MEI4: variants seen among roughly 807,000 people sequenced by gnomAD.
The protein encoded by MEI4 is meiosis-specific protein MEI4.
In MEI4, 27 loss-of-function variants were observed where a neutral mutation model predicts 31.4. That is an observed-to-expected ratio of 0.86 (90% confidence interval 0.63 to 1.19). MEI4 has a LOEUF of 1.19. Among genes scored for constraint, MEI4 ranks in the 50% most tolerant of loss-of-function variants. The pLI is 0.00. For missense variants in MEI4, 329 were observed against 398.9 expected (o/e 0.82, Z 1.49); for synonymous variants, 122 against 145.4 (o/e 0.84, Z 1.16).
intron 2 of MEI4, among the ~76,000 whole-genome samples, chr6:77,705,444 A>C (rs1418603051): frequency 2.0e-5 from 3 of 152,254 alleles, no homozygotes; most frequent in African/African-American, 7.2e-5. Context: ...AATATCACAC[A>C]TGTGGAACTA....
At chr6:77,832,782 A>G (rs1412384267) in intron 4 of MEI4, among the ~76,000 whole-genome samples, 1 of 152,126 alleles carries the variant, frequency 6.6e-6, no homozygotes, top group Non-Finnish European at 1.5e-5. Flanking sequence ...TTGACTAACC[A>G]TGTCAGTTAT....
At chr6:77,868,523 A>ATATATATATATATATATG (rs1771113885) in intron 4 of MEI4, among the ~76,000 whole-genome samples, 1 of 139,992 alleles carries the variant, frequency 7.1e-6, no homozygotes, top group Non-Finnish European at 1.6e-5. Context: ...ATATATATAT[A>ATATATATATATATATATG]TATATGCAGA....
At chr6:77,881,086 CTTT>C (rs5877573) in intron 4 of MEI4, among the ~76,000 whole-genome samples, 6 of 146,374 alleles carry the variant, frequency 4.1e-5, no homozygotes, top group Admixed American at 6.8e-5. Flanking sequence ...TACTTACTGT[CTTT>C]TTTTTTTTTT....
intron 2 of MEI4, among the ~76,000 whole-genome samples, chr6:77,740,133 A>G (rs1767360813): frequency 6.6e-6 from 1 of 152,112 alleles, no homozygotes; most frequent in Non-Finnish European, 1.5e-5. Flanking sequence ...TTATTCTTGA[A>G]TTCTATTTTA....
At chr6:77,720,304 G>A (rs1766683050) in intron 2 of MEI4, among the ~76,000 whole-genome samples, 1 of 28,034 alleles carries the variant, frequency 3.6e-5, no homozygotes, top group Admixed American at 3.9e-4. Context: ...ACTATGGCCT[G>A]TCCTTGGGAA....
At chr6:77,900,068 A>G (rs1407417137) in intron 4 of MEI4, among the ~76,000 whole-genome samples, 5 of 150,976 alleles carry the variant, frequency 3.3e-5, no homozygotes, top group African/African-American at 1.2e-4. Flanking sequence ...ACAGCAAAGG[A>G]AAAAAAAATG....
intron 2 of MEI4, among the ~76,000 whole-genome samples, chr6:77,699,034 A>T (rs1766134677): frequency 6.6e-6 from 1 of 151,754 alleles, no homozygotes; most frequent in African/African-American, 2.4e-5. Context: ...TCCATCACTG[A>T]TACCCTTTCT....
At chr6:77,664,107 G>A (rs1442152381) in intron 1 of MEI4, among the ~76,000 whole-genome samples, 1 of 152,162 alleles carries the variant, frequency 6.6e-6, no homozygotes, top group South Asian at 2.1e-4. Context: ...AGATGTGGCT[G>A]GGGTTTGTCT....
At chr6:77,824,177 C>T (rs553845963) in intron 3 of MEI4, among the ~76,000 whole-genome samples, 2 of 152,238 alleles carry the variant, frequency 1.3e-5, no homozygotes, top group East Asian at 1.9e-4. Flanking sequence ...GCAACCTCCA[C>T]CTCCTGGGTT....
chr6:77,801,392 G>A (rs1561994591), intron 3 of MEI4, among the ~76,000 whole-genome samples: 1 of 151,872 alleles, frequency 6.6e-6, no homozygotes, highest in African/African-American at 2.4e-5. Context: ...TTCTTTTTTA[G>A]TCTTGCTAGC....
chr6:77,854,833 C>T (rs1187663360), intron 4 of MEI4, among the ~76,000 whole-genome samples: 5 of 152,096 alleles, frequency 3.3e-5, no homozygotes, highest in Non-Finnish European at 7.4e-5. Context: ...GTATAGGTAT[C>T]ATTTCCTCTG....
chr6:77,726,369 AT>A, intron 2 of MEI4, among the ~76,000 whole-genome samples: 1 of 152,276 alleles, frequency 6.6e-6, no homozygotes, highest in African/African-American at 2.4e-5. Context: ...TCCCCACAGC[AT>A]ATATATGTGG....
chr6:77,912,806 C>T (rs1766461262), intron 4 of MEI4, among the ~76,000 whole-genome samples: 1 of 152,088 alleles, frequency 6.6e-6, no homozygotes, highest in African/African-American at 2.4e-5. Context: ...ATTTCTCTTG[C>T]CTAATTGCTC....
intron 4 of MEI4, among the ~76,000 whole-genome samples, chr6:77,889,925 T>C (rs1418118427): frequency 2.0e-5 from 3 of 152,234 alleles, no homozygotes; most frequent in Non-Finnish European, 4.4e-5. Flanking sequence ...GTTGGGCCTA[T>C]GGGTACACAG....
intron 2 of MEI4, among the ~76,000 whole-genome samples, chr6:77,739,224 T>G (rs1246068349): frequency 6.6e-6 from 1 of 152,166 alleles, no homozygotes; most frequent in Non-Finnish European, 1.5e-5. Context: ...AGTTTTACCT[T>G]TAAGTCTTTA....
rs562773804 is a variant in MEI4, at chr6:77,874,081, G to A, written c.900+45019G>A. ...TCTTTTGACTTAGGATTGACTTGGCGATGTGGGCTCTTTTTTGGTTCCATA... is the reference window on the plus strand; with the variant it reads ...TCTTTTGACTTAGGATTGACTTGGCAATGTGGGCTCTTTTTTGGTTCCATA... On this transcript the variant is annotated intron_variant, in intron 4 of 4. Coordinates refer to ENST00000684080, the MANE Select transcript of MEI4 (RefSeq NM_001322247.2). 3.4e-4 allele frequency among the ~76,000 whole-genome samples: 52 copies of A among 152,188 alleles called. No homozygotes were observed. In the East Asian group the frequency reaches 7.0e-3, roughly 20 times the overall value.
intron 2 of MEI4, among the ~76,000 whole-genome samples, chr6:77,757,629 A>G (rs1342194448): frequency 6.6e-6 from 1 of 152,204 alleles, no homozygotes; most frequent in African/African-American, 2.4e-5. Flanking sequence ...CATTGGTAGA[A>G]TTCATTTTCT....
intron 2 of MEI4, among the ~76,000 whole-genome samples, chr6:77,736,295 G>A (rs1468066004): frequency 6.6e-6 from 1 of 151,992 alleles, no homozygotes; most frequent in East Asian, 1.9e-4. Flanking sequence ...AGACTCCGTG[G>A]GCGTATTACC....
At chr6:77,700,440 G>C (rs1430600602) in intron 2 of MEI4, among the ~76,000 whole-genome samples, 1 of 152,162 alleles carries the variant, frequency 6.6e-6, no homozygotes, top group Non-Finnish European at 1.5e-5. Context: ...TAAGCCCGTT[G>C]GAAAAGCGCA....
Sources: allele counts gnomAD v4.1 joint callset (sites outside exome capture counted in the v4.1 genomes callset), GRCh38; gene constraint gnomAD v4.1.1; transcripts MANE v1.5; gene names NCBI Gene and HGNC (gene_info 2026-07-23, HGNC 2026-07-21).